The following TEKT1 variants were observed in gnomAD, a reference collection of about 807,000 sequenced individuals.
The protein encoded by TEKT1 is tektin 1.
TEKT1 carries 32 observed loss-of-function variants against 34.8 expected under a neutral mutation model. That is an observed-to-expected ratio of 0.92 (90% CI 0.69 to 1.23). The LOEUF is 1.23. TEKT1 is among the 50% of genes most tolerant of loss of function. The pLI is 0.00. For synonymous variants in TEKT1, 207 were observed against 199.8 expected (o/e 1.04, Z -0.30); for missense variants, 492 against 518.5 (o/e 0.95, Z 0.50).
chr17:6,823,130 C>A (rs75483473), intron 2 of TEKT1, among the ~76,000 whole-genome samples: 2 of 152,118 alleles, frequency 1.3e-5, no homozygotes, highest in Admixed American at 1.3e-4. Flanking sequence ...ATTCATTGAA[C>A]CTTTTAACCT....
At chr17:6,828,120 A>T (rs1187810099) in intron 2 of TEKT1, among the ~76,000 whole-genome samples, 1 of 151,864 alleles carries the variant, frequency 6.6e-6, no homozygotes, top group Non-Finnish European at 1.5e-5. Context: ...AATTTTTTGT[A>T]TTTTTAGTAA....
chr17:6,831,052 G>A (rs768709410), intron 1 of TEKT1, among the ~76,000 whole-genome samples: 1 of 142,818 alleles, frequency 7.0e-6, no homozygotes, highest in Non-Finnish European at 1.5e-5. Context: ...AGGAGGAGGA[G>A]GAAATGTAAC....
At chr17:6,801,709 G>GA (rs961517097) in intron 6 of TEKT1, among the ~76,000 whole-genome samples, 8 of 151,500 alleles carry the variant, frequency 5.3e-5, no homozygotes, top group African/African-American at 1.5e-4. Flanking sequence ...CTCCGCCTCA[G>GA]AAAAAAAAGA....
chr17:6,830,058 C>T (rs1000155024), intron 2 of TEKT1, 129 bp downstream of exon 2: 1 of 945,210 alleles, frequency 1.1e-6, no homozygotes, highest in Non-Finnish European at 1.5e-6. Flanking sequence ...AACATAGAAC[C>T]TGGAGAATAC....
chr17:6,829,918 T>C (rs1382821331), intron 2 of TEKT1, among the ~76,000 whole-genome samples: 1 of 152,182 alleles, frequency 6.6e-6, no homozygotes, highest in Non-Finnish European at 1.5e-5. Flanking sequence ...CCCTGTGATA[T>C]GCCTAGTGTG....
intron 6 of TEKT1, among the ~76,000 whole-genome samples, chr17:6,807,535 A>T (rs2151583462): frequency 6.6e-6 from 1 of 152,212 alleles, no homozygotes; most frequent in South Asian, 2.1e-4. Context: ...TTGGAGGAGG[A>T]GAGGCACTCT....
Position 6,812,990 on chromosome 17 carries a change from C to T in TEKT1, c.693G>A (p.Gln231=). 6.2e-7 allele frequency: 1 copy of T among 1,614,226 alleles called. No individual in the cohort carries two copies. The highest frequency in any genetic ancestry group is 1.1e-5 in the South Asian group (1 of 91,082). ...CTTTCAGCATCAGGGAGTTGTTCCG[C>T]TGCTTGTCAGCCTTCTCCACATTGG... ...SSTNVEKADK[Q]RNNSLMLKAL... Residue 231 remains glutamine (Q), a synonymous_variant, in exon 6 of 8, where the codon CAG becomes CAA. Coordinates refer to ENST00000338694, the MANE Select transcript of TEKT1 (RefSeq NM_053285.2).
chr17:6,799,145 A>G lies in TEKT1; in HGVS notation c.*882T>C, dbSNP rs1184428492. ...TCTCTGACCTGCTGCAGCTCAGCGGAAGGCAGCCTCCCACAAGTTGAACTC... is the reference window on the plus strand; with the variant it reads ...TCTCTGACCTGCTGCAGCTCAGCGGGAGGCAGCCTCCCACAAGTTGAACTC... On this transcript the variant is annotated 3_prime_UTR_variant, in exon 8 of 8. Transcript: ENST00000338694. 1 of 152,228 alleles carries G rather than the reference A, an allele frequency of 6.6e-6. No individual in the cohort carries two copies. Among genetic ancestry groups the G allele is most frequent in the Admixed American group, 6.5e-5 (1 of 15,286 alleles). 9.4% of individuals were successfully genotyped at this position (152,228 alleles called of 1,614,324 possible).
intron 2 of TEKT1, among the ~76,000 whole-genome samples, chr17:6,821,993 C>G (rs1977097676): frequency 6.7e-6 from 1 of 148,216 alleles, no homozygotes; most frequent in Non-Finnish European, 1.5e-5. Context: ...GCATAAGTAA[C>G]AAGAAGCCGA....
Position 6,799,933 on chromosome 17 carries a change from G to A in TEKT1, c.*94C>T, listed in dbSNP as rs949894889. ...GCCAGCCAAGAGGTTGCAGCAGGCT[G>A]GCTAGAGGCCCCGCCAGCCTGAAAT... On this transcript the variant is annotated 3_prime_UTR_variant, in exon 8 of 8. Transcript: ENST00000338694. The A allele has an allele frequency of 3.1e-6, 4 of 1,285,820 alleles. No individual in the cohort carries two copies. Among genetic ancestry groups the A allele is most frequent in the Non-Finnish European group, 4.2e-6 (4 of 948,504 alleles). 79.7% of individuals were successfully genotyped at this position (1,285,820 alleles called of 1,614,324 possible). A position where few individuals can be genotyped will look rare whatever the true frequency, so the allele number is the denominator to read the frequency against.
chr17:6,811,092 C>T lies in TEKT1; in HGVS notation c.852+1739G>A, dbSNP rs1049650750. Among the ~76,000 whole-genome samples the T allele has an allele frequency of 6.6e-6, 1 of 152,192 alleles. No homozygotes were observed. Among genetic ancestry groups the T allele is most frequent in the African/African-American group, 2.4e-5 (1 of 41,538 alleles). On this transcript the variant is annotated intron_variant, in intron 6 of 7. Coordinates refer to ENST00000338694, the MANE Select transcript of TEKT1 (RefSeq NM_053285.2). The surrounding 1 kb of genome is among the most constrained non-coding windows in gnomAD (Gnocchi z 4.4). ...TACCAGTATGTCTTTGTTTCTGCTCCTTAGCCTCTTCTCTTCCTCTCTTCT... is the reference window on the plus strand; with the variant it reads ...TACCAGTATGTCTTTGTTTCTGCTCTTTAGCCTCTTCTCTTCCTCTCTTCT...
At chr17:6,814,757 G>A (rs1976979627) in intron 5 of TEKT1, among the ~76,000 whole-genome samples, 1 of 151,230 alleles carries the variant, frequency 6.6e-6, no homozygotes, top group East Asian at 2.0e-4. Flanking sequence ...AGAATGGCGT[G>A]AACCCGGGAG....
intron 2 of TEKT1, among the ~76,000 whole-genome samples, chr17:6,824,764 C>T (rs7214084): frequency 0.15 from 22,412 of 152,108 alleles, 3,797 homozygotes; most frequent in African/African-American, 0.41. Flanking sequence ...AATGAATGAA[C>T]GAGCTCTGAT....
In TEKT1 at chr17:6,807,967, C is replaced by G. The variant is rs150035299; in HGVS notation, c.852+4864G>C. Among the ~76,000 whole-genome samples, 1,183 of 152,300 alleles carry G rather than the reference C, an allele frequency of 7.8e-3. 20 individuals carry two copies. The highest frequency in any genetic ancestry group is 0.028 in the African/African-American group (1,144 of 41,552). On this transcript the variant is annotated intron_variant, in intron 6 of 7. Transcript: ENST00000338694. ...CCGTTCTCAGATCTCCAGCTGCATG[C>G]TGGGAGAACCACTACTCTCTTCAAA...
chr17:6,830,323 A>G lies in TEKT1; in HGVS notation c.54T>C (p.Ile18=), dbSNP rs1301420986. 6.2e-7 allele frequency: 1 copy of G among 1,609,892 alleles called. No homozygotes were observed. Among genetic ancestry groups the G allele is most frequent in the African/African-American group, 1.3e-5 (1 of 74,820 alleles). The change falls in exon 2 of 8, where the codon ATT becomes ATC. Residue 18 remains isoleucine, a synonymous_variant. Transcript: ENST00000338694. ...PPKFLPSEWH[I]ANKNQYHRAD... The stretch of plus-strand genomic sequence containing the variant: ...CTCTGTGGTACTGGTTCTTGTTAGC[A>G]ATGTGCCACTCTGAGGGCAGGAACT...
intron 2 of TEKT1, among the ~76,000 whole-genome samples, chr17:6,824,712 C>T (rs1318910674): frequency 3.3e-5 from 5 of 152,316 alleles, no homozygotes; most frequent in African/African-American, 1.2e-4. Flanking sequence ...TACTCCTAAG[C>T]ATCTAGCACA....
intron 3 of TEKT1, among the ~76,000 whole-genome samples, chr17:6,817,989 T>C (rs12103929): frequency 0.047 from 7,105 of 152,242 alleles, 531 homozygotes; most frequent in African/African-American, 0.16. Context: ...CTGGGGAGAC[T>C]GCTGCCTGGT....
intron 2 of TEKT1, among the ~76,000 whole-genome samples, chr17:6,825,492 T>C (rs1026428325): frequency 1.3e-5 from 2 of 152,194 alleles, no homozygotes; most frequent in Admixed American, 1.3e-4. Context: ...TTTTTAACTT[T>C]TTATTGAAAT....
At chr17:6,821,403 G>C (rs761834889) in intron 2 of TEKT1, among the ~76,000 whole-genome samples, 2 of 152,164 alleles carry the variant, frequency 1.3e-5, no homozygotes, top group Non-Finnish European at 2.9e-5. Context: ...TGTGAAGAAG[G>C]TCCTTGTTTT....
Sources: allele counts gnomAD v4.1 joint callset (sites outside exome capture counted in the v4.1 genomes callset), GRCh38; gene constraint gnomAD v4.1.1; non-coding constraint Gnocchi (gnomAD v3.1); transcripts MANE v1.5; gene names NCBI Gene and HGNC (gene_info 2026-07-23, HGNC 2026-07-21).